ABCA9: variants seen among roughly 807,000 people sequenced by gnomAD.
ABCA9 encodes ATP-binding cassette sub-family A member 9.
A neutral mutation model predicts 205.3 loss-of-function variants in ABCA9; 183 were observed. That is an observed-to-expected ratio of 0.89 (90% CI 0.79 to 1.01). ABCA9 has a LOEUF of 1.01. ABCA9 is among the 50% of genes least tolerant of loss of function. The pLI, the probability that ABCA9 is intolerant of heterozygous loss-of-function variation, is 0.00. For missense variants in ABCA9, 1,805 were observed against 1,912.4 expected, an observed-to-expected ratio of 0.94 and a Z score of 1.05; for synonymous variants, 651 against 683.3, an observed-to-expected ratio of 0.95 and a Z score of 0.74.
chr17:69,017,583 C>T, intron 21 of ABCA9, 73 bp downstream of exon 21: 4 of 1,527,346 alleles, frequency 2.6e-6, no homozygotes, highest in Non-Finnish European at 3.5e-6. Flanking sequence ...TTTCATTCAG[C>T]TGATATGAAT....
intron 6 of ABCA9, among the ~76,000 whole-genome samples, chr17:69,037,670 G>C (rs2071391354): frequency 6.6e-6 from 1 of 151,926 alleles, no homozygotes; most frequent in Non-Finnish European, 1.5e-5. Context: ...AGAAGCAAGA[G>C]CAAACAAATT....
intron 15 of ABCA9, 59 bp from the exon 16 acceptor site, chr17:69,026,526 A>G (rs1836303794): frequency 2.9e-6 from 4 of 1,365,902 alleles, no homozygotes; most frequent in South Asian, 2.4e-5. Flanking sequence ...TACTATTCAC[A>G]AAACACAAAT....
Position 68,992,229 on chromosome 17 carries a change from C to A in ABCA9, c.3662G>T (p.Arg1221Leu). 1 of 1,594,626 alleles carries A rather than the reference C, an allele frequency of 6.3e-7. No individual in the cohort carries two copies. Among genetic ancestry groups the A allele is most frequent in the South Asian group, 1.2e-5 (1 of 86,620 alleles). Residue 1221 changes from arginine to leucine, a missense_variant, in exon 28 of 39, where the codon CGA becomes CTA. Coordinates refer to ENST00000340001, the MANE Select transcript of ABCA9 (RefSeq NM_080283.4). ...CTTCCTGCAGTTCATTTCTAGGCAT[C>A]GCAGAATGAAAAGAAAAATGAGAAA... ...LHFLIFLFIL[R>L]CLEMNCRKKL...
chr17:69,077,205 G>A, the ABCA9 span, among the ~76,000 whole-genome samples: 1 of 151,958 alleles, frequency 6.6e-6, no homozygotes, highest in Admixed American at 6.6e-5. Context: ...TTGGTATGTT[G>A]TATCTCTGTT....
chr17:68,992,209 TG>T lies in ABCA9; in HGVS notation c.3681del (p.Cys1227Ter). 1.2e-6 allele frequency: 2 copies of T among 1,601,806 alleles called. No homozygotes were observed. The highest frequency in any genetic ancestry group is 1.1e-5 in the South Asian group (1 of 87,904). On this transcript the variant is annotated frameshift_variant, in exon 28 of 39. Transcript: ENST00000340001. LOFTEE classifies it high-confidence loss of function. ...GGATCCTTTCTCATTAGTTTCTTCC[TG>T]CAGTTCATTTCTAGGCATCGCAGAA... The part of the protein sequence containing the change: ...LFILRCLEMN[C>X]RKKLMRKDPV...
At chr17:69,051,954 T>C (rs1252301265) in intron 1 of ABCA9, among the ~76,000 whole-genome samples, 3 of 152,206 alleles carry the variant, frequency 2.0e-5, no homozygotes, top group African/African-American at 7.2e-5. Context: ...AAGTGGGAAT[T>C]GGAAATTAAA....
At chr17:69,020,811 C>T (rs1196520838) in intron 18 of ABCA9, 1 of 475,974 alleles carries the variant, frequency 2.1e-6, no homozygotes, top group Non-Finnish European at 3.7e-6. Context: ...TTTAAACGTC[C>T]TCTGTCTGCA....
the ABCA9 span, among the ~76,000 whole-genome samples, chr17:69,072,372 A>G: frequency 6.6e-6 from 1 of 152,234 alleles, no homozygotes; most frequent in Non-Finnish European, 1.5e-5. Context: ...CACAAAGGGA[A>G]GCCCATCAGA....
chr17:69,070,528 G>C, the ABCA9 span, among the ~76,000 whole-genome samples: 48 of 152,244 alleles, frequency 3.2e-4, no homozygotes, highest in African/African-American at 1.1e-3. Flanking sequence ...GAAGCGTGAG[G>C]GACTGTGCCT....
At chr17:69,069,921 CTT>C in the ABCA9 span, among the ~76,000 whole-genome samples, 51 of 152,124 alleles carry the variant, frequency 3.4e-4, no homozygotes, top group African/African-American at 1.2e-3. Flanking sequence ...CTTAAGAAAA[CTT>C]ATAGTTTATC....
intron 25 of ABCA9, among the ~76,000 whole-genome samples, chr17:69,000,501 C>T (rs367742593): frequency 3.3e-5 from 5 of 150,338 alleles, no homozygotes; most frequent in Non-Finnish European, 5.9e-5. Flanking sequence ...TGTTTTGGTA[C>T]CAGTACCATG....
rs906393068 is a variant in ABCA9 at position 68,975,050 on chromosome 17, G to A, written c.*865C>T. 6.6e-6 allele frequency: 1 copy of A among 151,896 alleles called. No individual in the cohort carries two copies. Among genetic ancestry groups the A allele is most frequent in the Non-Finnish European group, 1.5e-5 (1 of 67,972 alleles). The allele number at this position is 151,896 out of a possible 1,614,324, so 9.4% of individuals were successfully genotyped here. The stretch of plus-strand genomic sequence containing the variant: ...CCCAGGGTGTGGTGTTCCCCTCCCT[G>A]TGTCCATGTATTCTCATTGTTCAAT... On this transcript the variant is annotated 3_prime_UTR_variant, in exon 39 of 39. Transcript: ENST00000340001.
Position 69,008,240 on chromosome 17 carries a change from T to C in ABCA9, c.3148-5A>G, listed in dbSNP as rs201211842. 6.8e-6 allele frequency: 11 copies of C among 1,611,550 alleles called. No individual in the cohort carries two copies. The South Asian group carries it at 1.1e-4, about 16-fold the overall frequency. On this transcript the variant is annotated splice_polypyrimidine_tract_variant and splice_region_variant and intron_variant, in intron 23 of 38. Transcript: ENST00000340001. ...TAGCTGGGAATGAGCTTTTTTCTGATAAAGAAATAGAAGAATCATCAAAAG... is the reference window on the plus strand; with the variant it reads ...TAGCTGGGAATGAGCTTTTTTCTGACAAAGAAATAGAAGAATCATCAAAAG...
chr17:69,044,133 C>T (rs1224228356), intron 5 of ABCA9, among the ~76,000 whole-genome samples: 3 of 152,058 alleles, frequency 2.0e-5, no homozygotes, highest in African/African-American at 7.2e-5. Flanking sequence ...TTGGGGGCTG[C>T]AGTGAGCTAT....
In ABCA9 at chr17:68,974,695, A is replaced by T. The variant is rs2143886306; in HGVS notation, c.*1220T>A. 6.6e-6 allele frequency: 1 copy of T among 152,206 alleles called. No homozygotes were observed. The highest frequency in any genetic ancestry group is 1.9e-4 in the East Asian group (1 of 5,196). 9.4% of individuals were successfully genotyped at this position (152,206 alleles called of 1,614,324 possible). ...TACCAGTTGGATAGGTCATAATAAT[A>T]TATAGAGATATGGGAAATTAAGACC... On this transcript the variant is annotated 3_prime_UTR_variant, in exon 39 of 39. Transcript: ENST00000340001.
At chr17:69,038,695 T>C (rs529545005) in intron 6 of ABCA9, among the ~76,000 whole-genome samples, 2 of 152,194 alleles carry the variant, frequency 1.3e-5, no homozygotes, top group East Asian at 3.9e-4. Flanking sequence ...CTATTCAACA[T>C]AGTATTGGAA....
intron 25 of ABCA9, among the ~76,000 whole-genome samples, chr17:69,007,342 A>G (rs903940203): frequency 6.6e-6 from 1 of 152,188 alleles, no homozygotes; most frequent in Non-Finnish European, 1.5e-5. Flanking sequence ...CGGAGGTTGC[A>G]GTGAGCTGAG....
At chr17:68,989,255 C>CTCTG (rs2069360676) in intron 30 of ABCA9, 137 bp from the exon 31 acceptor site, 2 of 434,738 alleles carry the variant, frequency 4.6e-6, no homozygotes, top group East Asian at 7.4e-5. Context: ...CTCTCTCTCT[C>CTCTG]TCACACACAC....
intron 16 of ABCA9, among the ~76,000 whole-genome samples, chr17:69,024,934 C>T (rs2070932137): frequency 6.6e-6 from 1 of 152,008 alleles, no homozygotes; most frequent in Non-Finnish European, 1.5e-5. Context: ...TTTTGAAACT[C>T]CACTGTTAAT....
Sources: allele counts gnomAD v4.1 joint callset (sites outside exome capture counted in the v4.1 genomes callset), GRCh38; gene constraint gnomAD v4.1.1; transcripts MANE v1.5; gene names NCBI Gene and HGNC (gene_info 2026-07-23, HGNC 2026-07-21).